Variants in SLC25A31 observed in about 807,000 individuals in gnomAD.
SLC25A31 encodes the protein solute carrier family 25 member 31.
SLC25A31 carries 40 observed loss-of-function variants against 36.2 expected under a neutral mutation model. That is an observed-to-expected ratio of 1.10 (90% confidence interval 0.86 to 1.44). The LOEUF (loss-of-function observed/expected upper bound fraction) is 1.44. SLC25A31 is among the 40% of genes most tolerant of loss of function. The pLI is 0.00. For synonymous variants in SLC25A31, 143 were observed against 149.7 expected, an observed-to-expected ratio of 0.96 and a Z score of 0.32; for missense variants, 350 against 397.1, an observed-to-expected ratio of 0.88 and a Z score of 1.01.
chr4:127,752,567 T>TA (rs139027354), intron 2 of SLC25A31, among the ~76,000 whole-genome samples: 4,780 of 131,948 alleles, frequency 0.036, 88 homozygotes, highest in East Asian at 0.049. Context: ...TAAAGTATAA[T>TA]AAAAAAAAAA....
intron 1 of SLC25A31, among the ~76,000 whole-genome samples, chr4:127,742,553 C>T (rs559356762): frequency 3.3e-5 from 5 of 152,278 alleles, no homozygotes; most frequent in South Asian, 4.1e-4. Context: ...GACACAGCAC[C>T]CAAAACAGCC....
intron 1 of SLC25A31, among the ~76,000 whole-genome samples, chr4:127,735,888 A>AG (rs1731619792): frequency 4.2e-5 from 2 of 47,850 alleles, no homozygotes; most frequent in African/African-American, 1.5e-4. Flanking sequence ...TTATTTATTT[A>AG]TTTATTTATT....
At chr4:127,735,807 C>CA (rs34015425) in intron 1 of SLC25A31, among the ~76,000 whole-genome samples, 66,012 of 105,114 alleles carry the variant, frequency 0.63, 20,004 homozygotes, top group Middle Eastern at 0.82. Context: ...ACCTCCCCTG[C>CA]AAAAAAAAAA....
At chr4:127,733,662 A>C (rs781007868) in intron 1 of SLC25A31, among the ~76,000 whole-genome samples, 2 of 152,160 alleles carry the variant, frequency 1.3e-5, no homozygotes, top group African/African-American at 2.4e-5. Flanking sequence ...TTAAAACATA[A>C]ATTTCTTGCA....
At chr4:127,759,829 A>G (rs1044886565) in intron 2 of SLC25A31, among the ~76,000 whole-genome samples, 5 of 152,234 alleles carry the variant, frequency 3.3e-5, no homozygotes, top group Admixed American at 1.3e-4. Context: ...ATATTTTATC[A>G]GTATACAAAA....
chr4:127,741,710 G>A (rs930988029), intron 1 of SLC25A31, among the ~76,000 whole-genome samples: 6 of 152,070 alleles, frequency 3.9e-5, no homozygotes, highest in South Asian at 2.1e-4. Context: ...CTTTGGTACC[G>A]GGGTAATGTT....
intron 3 of SLC25A31, among the ~76,000 whole-genome samples, chr4:127,765,299 C>G (rs1388147143): frequency 3.3e-5 from 5 of 152,172 alleles, no homozygotes; most frequent in Non-Finnish European, 5.9e-5. Context: ...GATCAAATGG[C>G]TTGCTTCCCA....
Position 127,730,441 on chromosome 4 carries a change from C to T in SLC25A31, c.-105C>T, listed in dbSNP as rs191177457. On this transcript the variant is annotated 5_prime_UTR_variant, in exon 1 of 6. Transcript: ENST00000281154. ...CTCAGCGTCCCAAGAGCCACTTTCTCGCCAGTACGATGCTGCAGCGGTTTT... is the reference window on the plus strand; with the variant it reads ...CTCAGCGTCCCAAGAGCCACTTTCTTGCCAGTACGATGCTGCAGCGGTTTT... 1 of 1,245,478 alleles carries T rather than the reference C, an allele frequency of 8.0e-7. No homozygotes were observed. The highest frequency in any genetic ancestry group is 1.5e-5 in the African/African-American group (1 of 67,086). The allele number at this position is 1,245,478 out of a possible 1,614,324, so 77.2% of individuals were successfully genotyped here.
In SLC25A31 at chr4:127,753,923, C is replaced by T. The variant is rs147459599; in HGVS notation, c.360+9124C>T. ...ACATGCAGAAATCCTCAAGAAAATA[C>T]TAGCAAACTGAATTCACCTGCACAT... On this transcript the variant is annotated intron_variant, in intron 2 of 5. Coordinates refer to ENST00000281154, the MANE Select transcript of SLC25A31 (RefSeq NM_031291.4). Among the ~76,000 whole-genome samples, 161 of 152,216 alleles carry T rather than the reference C, an allele frequency of 1.1e-3. No homozygotes were observed. In the East Asian group the frequency reaches 0.024, roughly 22 times the overall value.
At chr4:127,746,456 T>C (rs956687879) in intron 2 of SLC25A31, among the ~76,000 whole-genome samples, 6 of 152,212 alleles carry the variant, frequency 3.9e-5, no homozygotes, top group African/African-American at 1.2e-4. Flanking sequence ...TCTGTTATTT[T>C]TTGACTTTTG....
rs531596560 is a variant in SLC25A31, at chr4:127,744,808, A to AT, written c.360+19dup. On this transcript the variant is annotated intron_variant, in intron 2 of 5. Transcript: ENST00000281154. ...TTAATAAAGAAAAACAGGTAATTAT[A>AT]TTTTTTTTTTACTTTTTTCTTCCAA... is the stretch of plus-strand genomic sequence containing the variant. 3,187 of 1,233,502 alleles carry AT rather than the reference A, an allele frequency of 2.6e-3. No homozygotes were observed. The highest frequency in any genetic ancestry group is 4.1e-3 in the South Asian group (235 of 57,890). 76.4% of individuals were successfully genotyped at this position (1,233,502 alleles called of 1,614,324 possible).
At chr4:127,760,275 T>A (rs578073982) in intron 2 of SLC25A31, among the ~76,000 whole-genome samples, 5 of 152,310 alleles carry the variant, frequency 3.3e-5, no homozygotes, top group South Asian at 2.1e-4. Context: ...AAAAGTTTTT[T>A]AAAAAATGGT....
chr4:127,744,809 T>C lies in SLC25A31; in HGVS notation c.360+10T>C. On this transcript the variant is annotated intron_variant, in intron 2 of 5. Transcript: ENST00000281154. ...TAATAAAGAAAAACAGGTAATTATA[T>C]TTTTTTTTTACTTTTTTCTTCCAAT... 8.3e-7 allele frequency: 1 copy of C among 1,203,012 alleles called. No individual in the cohort carries two copies. Among genetic ancestry groups the C allele is most frequent in the Non-Finnish European group, 1.1e-6 (1 of 895,036 alleles). 74.5% of individuals were successfully genotyped at this position (1,203,012 alleles called of 1,614,324 possible). A position where few individuals can be genotyped will look rare whatever the true frequency, so the allele number is the denominator to read the frequency against.
chr4:127,737,982 A>G (rs902454217), intron 1 of SLC25A31, among the ~76,000 whole-genome samples: 1 of 152,178 alleles, frequency 6.6e-6, no homozygotes, highest in African/African-American at 2.4e-5. Flanking sequence ...TGTATTAGCC[A>G]TTTCCAAAGT....
At chr4:127,743,285 G>T (rs4833389) in intron 1 of SLC25A31, among the ~76,000 whole-genome samples, 107,079 of 151,888 alleles carry the variant, frequency 0.7, 38,140 homozygotes, top group Middle Eastern at 0.8. Context: ...CACATGCCAC[G>T]GCACACGGCT....
chr4:127,769,942 A>T (rs1476705252), intron 5 of SLC25A31, among the ~76,000 whole-genome samples: 3 of 152,248 alleles, frequency 2.0e-5, no homozygotes, highest in Non-Finnish European at 4.4e-5. Flanking sequence ...GAAAACTAGA[A>T]TAGTAATATA....
rs548539579 is a variant in SLC25A31, at chr4:127,730,524, G to A, written c.-22G>A. The A allele has an allele frequency of 1.2e-6, 2 of 1,604,672 alleles. No homozygotes were observed. The highest frequency in any genetic ancestry group is 1.1e-5 in the South Asian group (1 of 90,886). On this transcript the variant is annotated 5_prime_UTR_variant, in exon 1 of 6. Transcript: ENST00000281154. ...GTACTCATTTTTAGCCACTGCTGCCGGTTTTTATATCCTTCTCCATCATGC... is the reference window on the plus strand; with the variant it reads ...GTACTCATTTTTAGCCACTGCTGCCAGTTTTTATATCCTTCTCCATCATGC...
intron 2 of SLC25A31, among the ~76,000 whole-genome samples, chr4:127,759,673 G>A (rs777606320): frequency 1.3e-5 from 2 of 152,092 alleles, no homozygotes; most frequent in Non-Finnish European, 2.9e-5. Context: ...AGGGGAGATG[G>A]GGAGTTAGTG....
At chr4:127,734,886 C>T (rs1202385375) in intron 1 of SLC25A31, among the ~76,000 whole-genome samples, 4 of 151,930 alleles carry the variant, frequency 2.6e-5, no homozygotes, top group African/African-American at 7.3e-5. Context: ...TTACATATCA[C>T]GGGACATTAA....
Sources: gnomAD v4.1 joint callset for allele counts (sites outside exome capture counted in the v4.1 genomes callset) on GRCh38, gnomAD v4.1.1 for gene constraint, MANE v1.5 for transcripts, NCBI Gene and HGNC (gene_info 2026-07-23, HGNC 2026-07-21) for gene names.